The following MZT2B variants were observed in gnomAD, a reference collection of about 807,000 sequenced individuals.
MZT2B encodes mitotic spindle organizing protein 2B, also known as mitotic-spindle organizing protein 2B.
In MZT2B, 11 loss-of-function variants were observed where a neutral mutation model predicts 12.1. The observed-to-expected ratio is 0.91, with a 90% confidence interval of 0.57 to 1.50. The LOEUF is 1.50. Among genes scored for constraint, MZT2B ranks in the 40% most tolerant of loss-of-function variants. The pLI, the probability that MZT2B is intolerant of heterozygous loss-of-function variation, is 0.00. For synonymous variants in MZT2B, 85 were observed against 109.5 expected, an observed-to-expected ratio of 0.78 and a Z score of 1.40; for missense variants, 209 against 227.7, an observed-to-expected ratio of 0.92 and a Z score of 0.53.
chr2:130,193,606 C>CAAAAAA (rs34918027), downstream of MZT2B, among the ~76,000 whole-genome samples: 1 of 95,092 alleles, frequency 1.1e-5, no homozygotes, highest in Non-Finnish European at 2.1e-5. Context: ...AAGACTGTCT[C>CAAAAAA]AAAAAAAAAA....
the MZT2B span, among the ~76,000 whole-genome samples, chr2:130,203,368 A>G: frequency 1.3e-5 from 2 of 152,270 alleles, no homozygotes; most frequent in Non-Finnish European, 2.9e-5. Flanking sequence ...TTTCCTCCCC[A>G]TGTGGGAGCC....
At chr2:130,182,583 G>T in intron 1 of MZT2B, 44 bp from the exon 2 acceptor site, 1 of 1,560,514 alleles carries the variant, frequency 6.4e-7, no homozygotes, top group Non-Finnish European at 8.7e-7. Flanking sequence ...AGGTGGCCGC[G>T]CCGGGCGGAG....
At chr2:130,182,191 A>T (rs1316411153), upstream of MZT2B, 1 of 1,252,124 alleles carries the variant, frequency 8.0e-7, no homozygotes, top group East Asian at 3.6e-5. Context: ...GCAGCCCGGG[A>T]GGCCAGACGT....
At chr2:130,204,052 T>C in the MZT2B span, 3 of 548,478 alleles carry the variant, frequency 5.5e-6, no homozygotes, top group South Asian at 5.8e-5. Context: ...TCTGTGGCTT[T>C]AATCTGTAAC....
upstream of MZT2B, chr2:130,181,707 C>G (rs1414688990): frequency 1.9e-6 from 3 of 1,548,184 alleles, no homozygotes; most frequent in Non-Finnish European, 1.7e-6. Context: ...GCCGGCCGGG[C>G]GGGGAAGAGA....
chr2:130,184,461 C>T, intron 2 of MZT2B: 1 of 985,480 alleles, frequency 1.0e-6, no homozygotes, highest in Non-Finnish European at 1.2e-6. Flanking sequence ...GCCCCCTTGC[C>T]CACCTCACTC....
chr2:130,184,149 A>G (rs1165945107), intron 2 of MZT2B: 64 of 1,487,262 alleles, frequency 4.3e-5, no homozygotes, highest in Non-Finnish European at 5.6e-5. Context: ...ATAGTGTGGC[A>G]GTCTCTAGAC....
At chr2:130,193,639 A>G (rs1434226332), downstream of MZT2B, 28 of 1,020,092 alleles carry the variant, frequency 2.7e-5, 1 homozygote, top group South Asian at 5.0e-4. Context: ...TCACTGAATC[A>G]ATTATCAACT....
chr2:130,193,194 G>C (rs543952889), downstream of MZT2B, among the ~76,000 whole-genome samples: 1 of 152,014 alleles, frequency 6.6e-6, no homozygotes. Context: ...GGCAGAGGTT[G>C]CAGTGAGCCA....
upstream of MZT2B, chr2:130,182,057 G>A: frequency 3.7e-6 from 5 of 1,347,998 alleles, no homozygotes; most frequent in Non-Finnish European, 4.8e-6. Context: ...GACCCCTGCG[G>A]TCCGCCATGC....
chr2:130,190,578 G>C lies in MZT2B; in HGVS notation c.429G>C (p.Leu143=), dbSNP rs747202950. ...CACGCCAGCCCAGCGCTACCAGGCT[G>C]CCCAAGGGGGGCGGGCCTGGGAAGA... ...RMPRQPSATR[L]PKGGGPGKSP... Residue 143 remains leucine (L), a synonymous_variant, in exon 3 of 3, where the codon CTG becomes CTC. Transcript: ENST00000281871. 2 of 1,613,268 alleles carry C rather than the reference G, an allele frequency of 1.2e-6. No homozygotes were observed. Among genetic ancestry groups the C allele is most frequent in the African/African-American group, 1.3e-5 (1 of 74,912 alleles).
intron 2 of MZT2B, among the ~76,000 whole-genome samples, chr2:130,185,076 G>T (rs188223829): frequency 6.6e-6 from 1 of 152,160 alleles, no homozygotes; most frequent in East Asian, 1.9e-4. Flanking sequence ...TTGGGAGGCC[G>T]AGGCGGGCGG....
rs1252936088 is a variant in MZT2B at position 130,185,406 on chromosome 2, TGA to T, written c.319+2633_319+2634del. Among the ~76,000 whole-genome samples the T allele has an allele frequency of 2.0e-5, 3 of 146,814 alleles. No homozygotes were observed. In the Admixed American group the frequency reaches 2.1e-4, roughly 10 times the overall value. On this transcript the variant is annotated intron_variant, in intron 2 of 2. Coordinates refer to ENST00000281871, the MANE Select transcript of MZT2B (RefSeq NM_025029.5). ...CTGAGGTGGGAGGATCGCCTGAGCC[TGA>T]GGGGGATGTTGCCGTGAGCCAAGAG...
intron 2 of MZT2B, chr2:130,184,960 T>G: frequency 2.3e-6 from 2 of 859,116 alleles, no homozygotes; most frequent in Non-Finnish European, 2.8e-6. Context: ...AGCTCAGGAG[T>G]TCAAGACCAG....
At chr2:130,181,737 G>A (rs536338783), upstream of MZT2B, 23 of 1,548,344 alleles carry the variant, frequency 1.5e-5, no homozygotes, top group Non-Finnish European at 1.8e-5. Flanking sequence ...GCAGGAGTGC[G>A]GGGGAGGGAG....
intron 2 of MZT2B, 52 bp downstream of exon 2, chr2:130,182,827 G>C: frequency 7.2e-7 from 1 of 1,396,210 alleles, no homozygotes; most frequent in Non-Finnish European, 9.6e-7. Flanking sequence ...GGCGGGCGGG[G>C]AGGGGGCAGG....
chr2:130,192,828 G>A (rs546608755), downstream of MZT2B, among the ~76,000 whole-genome samples: 18 of 152,330 alleles, frequency 1.2e-4, no homozygotes, highest in Middle Eastern at 3.4e-3. Flanking sequence ...AGGTGTGGTG[G>A]CTCAAGCCTG....
chr2:130,203,821 T>A, the MZT2B span, among the ~76,000 whole-genome samples: 2 of 151,934 alleles, frequency 1.3e-5, no homozygotes, highest in East Asian at 3.9e-4. Context: ...CTAGATTGAG[T>A]GCCCAAATGC....
At chr2:130,184,076 C>G in intron 2 of MZT2B, 1 of 1,547,614 alleles carries the variant, frequency 6.5e-7, no homozygotes, top group South Asian at 1.2e-5. Flanking sequence ...CAGGACCATG[C>G]AGGCCATCGC....
Sources: gnomAD v4.1 joint callset for allele counts (sites outside exome capture counted in the v4.1 genomes callset) on GRCh38, gnomAD v4.1.1 for gene constraint, MANE v1.5 for transcripts, NCBI Gene and HGNC (gene_info 2026-07-23, HGNC 2026-07-21) for gene names.